PLGRKT: variants seen among roughly 807,000 people sequenced by gnomAD.
The protein encoded by PLGRKT is plasminogen receptor with a C-terminal lysine.
PLGRKT carries 22 observed loss-of-function variants against 18.5 expected under a neutral mutation model. The ratio of observed to expected loss-of-function variants is 1.19; its 90% CI spans 0.85 to 1.70. The LOEUF (loss-of-function observed/expected upper bound fraction) is 1.70. PLGRKT is among the 40% of genes most tolerant of loss of function. The pLI, the probability that PLGRKT is intolerant of heterozygous loss-of-function variation, is 0.00. For missense variants in PLGRKT, 235 were observed against 174.4 expected (o/e 1.35, Z -1.96); for synonymous variants, 72 against 52.8 (o/e 1.36, Z -1.58).
In PLGRKT at chr9:5,418,495, T is replaced by C; in HGVS notation, c.81+13402A>G. The stretch of plus-strand genomic sequence containing the variant: ...GCACACCCTCAACCACATGGAGCTT[T>C]TCACCATGCCCCGCCTGTCCTGCTC... On this transcript the variant is annotated intron_variant, in intron 3 of 5. Transcript: ENST00000223864. This position sits in a 1 kb window ranked among gnomAD's most constrained non-coding sequence, Gnocchi z 4.2. 1 of 1,109,892 alleles carries C rather than the reference T, an allele frequency of 9.0e-7. No individual in the cohort carries two copies. The allele number at this position is 1,109,892 out of a possible 1,614,324, so 68.8% of individuals were successfully genotyped here. A position where few individuals can be genotyped will look rare whatever the true frequency, so the allele number is the denominator to read the frequency against.
At chr9:5,383,949 G>T (rs965712885) in intron 3 of PLGRKT, among the ~76,000 whole-genome samples, 1 of 152,204 alleles carries the variant, frequency 6.6e-6, no homozygotes, top group Admixed American at 6.5e-5. Context: ...GATGACTTCA[G>T]CTTCAGATGT....
chr9:5,424,746 G>C (rs1335212814), intron 3 of PLGRKT, among the ~76,000 whole-genome samples: 7 of 143,246 alleles, frequency 4.9e-5, no homozygotes, highest in African/African-American at 1.9e-4. Context: ...GAAAGAGACA[G>C]AGTTTTGTCA....
At chr9:5,436,984 G>T (rs1049549370) in intron 1 of PLGRKT, among the ~76,000 whole-genome samples, 8 of 152,100 alleles carry the variant, frequency 5.3e-5, no homozygotes, top group Non-Finnish European at 1.0e-4. Flanking sequence ...AAAAAAAAAT[G>T]TCTTGCTACT....
intron 3 of PLGRKT, among the ~76,000 whole-genome samples, chr9:5,363,984 T>C (rs752343776): frequency 6.6e-6 from 1 of 152,228 alleles, no homozygotes; most frequent in Admixed American, 6.5e-5. Context: ...AAAACTTACA[T>C]ACTGATTCAT....
Position 5,418,612 on chromosome 9 carries a change from G to C in PLGRKT, c.81+13285C>G. 1 of 723,376 alleles carries C rather than the reference G, an allele frequency of 1.4e-6. No individual in the cohort carries two copies. Among genetic ancestry groups the C allele is most frequent in the Non-Finnish European group, 2.6e-6 (1 of 388,240 alleles). 44.8% of individuals were successfully genotyped at this position (723,376 alleles called of 1,614,324 possible). A position where few individuals can be genotyped will look rare whatever the true frequency, so the allele number is the denominator to read the frequency against. Reference sequence around the variant, plus strand: ...AGTGACGGACTTCTGCCGGTTCCTGGGCAGCAGGTGGCGGCTCATATCTCC... The same window carrying C: ...AGTGACGGACTTCTGCCGGTTCCTGCGCAGCAGGTGGCGGCTCATATCTCC... On this transcript the variant is annotated intron_variant, in intron 3 of 5. Coordinates refer to ENST00000223864, the MANE Select transcript of PLGRKT (RefSeq NM_018465.4). The surrounding 1 kb of genome is among the most constrained non-coding windows in gnomAD (Gnocchi z 4.2).
At chr9:5,434,406 G>A (rs1265734933) in intron 2 of PLGRKT, among the ~76,000 whole-genome samples, 8 of 141,668 alleles carry the variant, frequency 5.6e-5, no homozygotes, top group South Asian at 2.3e-4. Flanking sequence ...CTGCCTGGCC[G>A]CCACCCCGTC....
intron 3 of PLGRKT, among the ~76,000 whole-genome samples, chr9:5,390,928 A>G (rs1453304748): frequency 6.6e-6 from 1 of 151,938 alleles, no homozygotes; most frequent in Non-Finnish European, 1.5e-5. Flanking sequence ...TTGTCAGAAA[A>G]TTATAATAAG....
chr9:5,432,256 G>A (rs1002996444), intron 2 of PLGRKT, among the ~76,000 whole-genome samples: 3 of 151,998 alleles, frequency 2.0e-5, no homozygotes, highest in African/African-American at 7.2e-5. Flanking sequence ...GTATATGGCT[G>A]TTTCCTGATT....
chr9:5,390,603 G>A (rs992003767), intron 3 of PLGRKT, among the ~76,000 whole-genome samples: 1 of 151,814 alleles, frequency 6.6e-6, no homozygotes, highest in Non-Finnish European at 1.5e-5. Context: ...TGGCTTTGGA[G>A]CCAGAGAGAC....
At chr9:5,361,521 GCT>G (rs1254637454) in intron 4 of PLGRKT, among the ~76,000 whole-genome samples, 1 of 151,916 alleles carries the variant, frequency 6.6e-6, no homozygotes, top group Admixed American at 6.6e-5. Context: ...TCAAGTTGGT[GCT>G]CTCTCTCTCT....
chr9:5,359,408 A>C (rs1315179378), intron 5 of PLGRKT, among the ~76,000 whole-genome samples: 1 of 152,172 alleles, frequency 6.6e-6, no homozygotes, highest in Non-Finnish European at 1.5e-5. Context: ...ATAGTTTTCA[A>C]ATTATAAGAG....
intron 3 of PLGRKT, among the ~76,000 whole-genome samples, chr9:5,372,172 G>A (rs1232624986): frequency 6.6e-6 from 1 of 151,372 alleles, no homozygotes; most frequent in African/African-American, 2.4e-5. Context: ...ATAGAGATGG[G>A]GTTTCACCAT....
chr9:5,424,572 T>C (rs1818649377), intron 3 of PLGRKT, among the ~76,000 whole-genome samples: 1 of 133,588 alleles, frequency 7.5e-6, no homozygotes, highest in African/African-American at 2.9e-5. Context: ...CAATATAATA[T>C]ATATTACTTA....
chr9:5,386,361 T>A (rs1221266008), intron 3 of PLGRKT, among the ~76,000 whole-genome samples: 2 of 151,898 alleles, frequency 1.3e-5, no homozygotes, highest in Non-Finnish European at 2.9e-5. Context: ...CAACCAGGCA[T>A]GATTTTGCCT....
rs576780760 is a variant in PLGRKT, at chr9:5,424,702, G to C, written c.81+7195C>G. Among the ~76,000 whole-genome samples the C allele has an allele frequency of 8.1e-3, 976 of 120,806 alleles. 40 individuals are homozygous for C. Among genetic ancestry groups the C allele is most frequent in the African/African-American group, 0.037 (928 of 24,978 alleles). The allele number at this position is 120,806 out of a possible 152,430, so 79.3% of individuals were successfully genotyped here. Reference sequence around the variant, plus strand: ...TATATATATATATATACACACAGGGGGGGGAGAGAGGGAGAGACAGAGAGA... The same window carrying C: ...TATATATATATATATACACACAGGGCGGGGAGAGAGGGAGAGACAGAGAGA... On this transcript the variant is annotated intron_variant, in intron 3 of 5. Coordinates refer to ENST00000223864, the MANE Select transcript of PLGRKT (RefSeq NM_018465.4).
At chr9:5,389,879 C>A (rs958567102) in intron 3 of PLGRKT, among the ~76,000 whole-genome samples, 3 of 151,842 alleles carry the variant, frequency 2.0e-5, no homozygotes, top group African/African-American at 4.9e-5. Flanking sequence ...TGGGAACTCC[C>A]AGCCAGAAAG....
chr9:5,433,680 CGGCTGCCCCGTCTGGG>C (rs1818885884), intron 2 of PLGRKT, among the ~76,000 whole-genome samples: 2 of 136,366 alleles, frequency 1.5e-5, no homozygotes, highest in Non-Finnish European at 3.1e-5. Flanking sequence ...TGCCTCTGCC[CGGCTGCCCCGTCTGGG>C]AAGTGAGGAG....
chr9:5,361,504 C>G (rs989053819), intron 4 of PLGRKT, among the ~76,000 whole-genome samples: 1 of 152,150 alleles, frequency 6.6e-6, no homozygotes, highest in Non-Finnish European at 1.5e-5. Context: ...TAGAGCCCTT[C>G]TTGGTGTCAA....
At chr9:5,380,113 C>T (rs1298197506) in intron 3 of PLGRKT, among the ~76,000 whole-genome samples, 2 of 151,932 alleles carry the variant, frequency 1.3e-5, no homozygotes, top group Non-Finnish European at 2.9e-5. Context: ...GCCTGTAATC[C>T]CCGCACTTTG....
Sources: allele counts gnomAD v4.1 joint callset (sites outside exome capture counted in the v4.1 genomes callset), GRCh38; gene constraint gnomAD v4.1.1; non-coding constraint Gnocchi (gnomAD v3.1); transcripts MANE v1.5; gene names NCBI Gene and HGNC (gene_info 2026-07-23, HGNC 2026-07-21).